Variants in PARP1 observed in about 807,000 individuals in gnomAD.
PARP1 encodes poly [ADP-ribose] polymerase 1.
Under a neutral mutation model 118.7 loss-of-function variants are expected in PARP1, and 44 were observed. The observed-to-expected ratio is 0.37, with a 90% CI of 0.29 to 0.48. The LOEUF (loss-of-function observed/expected upper bound fraction) is 0.48, where lower values mean the gene tolerates loss of function less well. Among genes scored for constraint, PARP1 ranks in the 20% least tolerant of loss-of-function variants. The pLI, the probability that PARP1 is intolerant of heterozygous loss-of-function variation, is 0.99. For missense variants in PARP1, 1,100 were observed against 1,272.4 expected (o/e 0.86, Z 2.06); for synonymous variants, 492 against 483.2 (o/e 1.02, Z -0.24).
intron 1 of PARP1, among the ~76,000 whole-genome samples, chr1:226,404,173 C>CGT (rs1665092543): frequency 3.2e-3 from 1 of 316 alleles, no homozygotes; most frequent in Non-Finnish European, 5.6e-3. Flanking sequence ...TCTCTAGCAA[C>CGT]ATGTCACAGA....
At chr1:226,386,996 T>A (rs1174253427) in intron 5 of PARP1, among the ~76,000 whole-genome samples, 1 of 152,166 alleles carries the variant, frequency 6.6e-6, no homozygotes, top group East Asian at 1.9e-4. Context: ...ACTTATTTTT[T>A]CTTTGAGATG....
rs771624359 is a variant in PARP1, at chr1:226,392,285, C to T, written c.316G>A (p.Ala106Thr). The T allele has an allele frequency of 6.2e-6, 10 of 1,613,966 alleles. No homozygotes were observed. Among genetic ancestry groups the T allele is most frequent in the Non-Finnish European group, 8.5e-6 (10 of 1,179,920 alleles). Reference protein sequence around the residue: ...GKGQDGIGSKAEKTLGDFAAE... With the variant: ...GKGQDGIGSKTEKTLGDFAAE... ...GCAAAGTCACCCAGAGTCTTCTCTG[C>T]CTTGCTACCAATTCCATCCTGGCCT... Residue 106 changes from alanine to threonine, a missense_variant, in exon 3 of 23, where the codon GCA becomes ACA. Coordinates refer to ENST00000366794, the MANE Select transcript of PARP1 (RefSeq NM_001618.4).
intron 2 of PARP1, among the ~76,000 whole-genome samples, chr1:226,399,476 A>G (rs1217569179): frequency 6.6e-6 from 1 of 152,212 alleles, no homozygotes; most frequent in African/African-American, 2.4e-5. Flanking sequence ...AGGAAAAACT[A>G]TGGAGAAAGC....
At chr1:226,382,793 C>T (rs936226174) in intron 8 of PARP1, among the ~76,000 whole-genome samples, 21 of 152,324 alleles carry the variant, frequency 1.4e-4, no homozygotes, top group African/African-American at 5.1e-4. Context: ...GCTGGGATTA[C>T]AGGTGTGAGT....
intron 13 of PARP1, among the ~76,000 whole-genome samples, chr1:226,374,642 GCTGGTCCCTGCCTGGGAAC>G (rs1308951405): frequency 2.0e-5 from 3 of 152,182 alleles, no homozygotes; most frequent in Non-Finnish European, 4.4e-5. Context: ...CCCTGGGGTT[GCTGGTCCCTGCCTGGGAAC>G]CTGTCTAGTG....
intron 2 of PARP1, among the ~76,000 whole-genome samples, chr1:226,394,316 AACTCC>A (rs1664874402): frequency 6.6e-6 from 1 of 152,242 alleles, no homozygotes; most frequent in Non-Finnish European, 1.5e-5. Flanking sequence ...AGGATCGTGC[AACTCC>A]ACTCTAGCCT....
chr1:226,407,710 G>A (rs1427925559), intron 1 of PARP1, 100 bp downstream of exon 1: 17 of 1,261,528 alleles, frequency 1.3e-5, no homozygotes, highest in African/African-American at 1.6e-5. Flanking sequence ...CGAGGGCCCG[G>A]GCCCGCTCGC....
rs146946442 is a variant in PARP1, at chr1:226,381,488, C to T, written c.1160-280G>A. On this transcript the variant is annotated intron_variant, in intron 8 of 22. Transcript: ENST00000366794. Reference sequence around the variant, plus strand: ...AGGCAGCTGCGGGTTACCCCAGGTCCGCGCCAAGGTCAGGCTAGGAAGGCT... The same window carrying T: ...AGGCAGCTGCGGGTTACCCCAGGTCTGCGCCAAGGTCAGGCTAGGAAGGCT... 1.2e-3 allele frequency among the ~76,000 whole-genome samples: 187 copies of T among 152,316 alleles called. 1 individual carries two copies. The highest frequency in any genetic ancestry group is 2.0e-3 in the Non-Finnish European group (133 of 68,026).
intron 11 of PARP1, 97 bp downstream of exon 11, chr1:226,379,476 G>A (rs1404923751): frequency 8.6e-7 from 1 of 1,159,154 alleles, no homozygotes; most frequent in Non-Finnish European, 1.3e-6. Flanking sequence ...CGACCACACT[G>A]CCCCAGGTAT....
chr1:226,379,577 A>C lies in PARP1; in HGVS notation c.1608T>G (p.Asp536Glu), dbSNP rs748412943. ...CTGGCAGTCCTGTTTGCTTACCAGA[A>C]TCAGGATCCACAGCTGCTCCTCCTT... ...TLKGGAAVDPDSGLEHSAHVL... is the reference protein window; with the variant it reads ...TLKGGAAVDPESGLEHSAHVL... The change falls in exon 11 of 23, where the codon GAT becomes GAG. Residue 536 changes from aspartate (D) to glutamate (E), a missense_variant. Transcript: ENST00000366794. The C allele has an allele frequency of 6.2e-6, 10 of 1,612,910 alleles. No individual in the cohort carries two copies. In the South Asian group the frequency reaches 7.7e-5, roughly 12 times the overall value.
chr1:226,376,927 A>G (rs1214995092), intron 13 of PARP1, among the ~76,000 whole-genome samples, 181 bp downstream of exon 13: 1 of 152,120 alleles, frequency 6.6e-6, no homozygotes. Context: ...CCTTCATGCA[A>G]TGAGCTGGGA....
intron 20 of PARP1, 77 bp downstream of exon 20, chr1:226,363,866 C>T: frequency 6.6e-7 from 1 of 1,518,774 alleles, no homozygotes; most frequent in East Asian, 2.3e-5. Flanking sequence ...ACTCTCCCAG[C>T]CAAGGGGAGT....
intron 3 of PARP1, among the ~76,000 whole-genome samples, chr1:226,391,637 C>T (rs1018278526): frequency 5.9e-5 from 9 of 152,332 alleles, no homozygotes; most frequent in Non-Finnish European, 4.4e-5. Context: ...GTTTTCTGTA[C>T]AATACCTCCG....
chr1:226,391,375 C>G (rs1268840786), intron 3 of PARP1, among the ~76,000 whole-genome samples: 2 of 152,142 alleles, frequency 1.3e-5, no homozygotes, highest in African/African-American at 2.4e-5. Context: ...GCCAGCCTGC[C>G]CAGGTCCCCA....
Position 226,370,476 on chromosome 1 carries a change from C to T in PARP1, c.2112G>A (p.Arg704=), listed in dbSNP as rs2102730217. 1 of 1,614,064 alleles carries T rather than the reference C, an allele frequency of 6.2e-7. No homozygotes were observed. Among genetic ancestry groups the T allele is most frequent in the Non-Finnish European group, 8.5e-7 (1 of 1,179,998 alleles). Residue 704 remains arginine, a synonymous_variant, in exon 15 of 23, where the codon AGG becomes AGA. Coordinates refer to ENST00000366794, the MANE Select transcript of PARP1 (RefSeq NM_001618.4). The part of the protein sequence containing the change: ...QKMPLGKLSK[R]QIQAAYSILS... The stretch of plus-strand genomic sequence containing the variant: ...GGATGGAGTATGCGGCCTGGATCTG[C>T]CTTTTGCTCAGCTTCCCCAAGGGCA...
At chr1:226,389,085 A>AG (rs377693840) in intron 4 of PARP1, among the ~76,000 whole-genome samples, 2 of 152,008 alleles carry the variant, frequency 1.3e-5, no homozygotes, top group Admixed American at 6.5e-5. Context: ...AAAAAAAAAA[A>AG]GAAACCCATG....
At chr1:226,392,585 C>T in intron 2 of PARP1, 2 of 550,982 alleles carry the variant, frequency 3.6e-6, no homozygotes, top group Non-Finnish European at 6.5e-6. Context: ...TCCATCTCCT[C>T]CCCTTTCTCT....
At chr1:226,386,296 CGTGTCCCA>C in intron 6 of PARP1, 22 bp downstream of exon 6, 1 of 1,360,576 alleles carries the variant, frequency 7.3e-7, no homozygotes, top group Non-Finnish European at 1.1e-6. Context: ...GCCTCACATG[CGTGTCCCA>C]CTTAACACAA....
intron 2 of PARP1, among the ~76,000 whole-genome samples, chr1:226,395,739 T>C (rs895049453): frequency 6.6e-6 from 1 of 152,234 alleles, no homozygotes; most frequent in African/African-American, 2.4e-5. Context: ...TTAATGTTTA[T>C]TATGTCTTTA....
Sources: gnomAD v4.1 joint callset for allele counts (sites outside exome capture counted in the v4.1 genomes callset) on GRCh38, gnomAD v4.1.1 for gene constraint, MANE v1.5 for transcripts, NCBI Gene and HGNC (gene_info 2026-07-23, HGNC 2026-07-21) for gene names.